The following NIBAN1 variants were observed in gnomAD, a reference collection of about 807,000 sequenced individuals.
NIBAN1 encodes niban apoptosis regulator 1, also known as protein Niban 1.
Under a neutral mutation model 75.1 loss-of-function variants are expected in NIBAN1, and 81 were observed. The observed-to-expected ratio is 1.08, with a 90% CI of 0.90 to 1.30. The LOEUF is 1.30. Ranked by LOEUF, NIBAN1 falls within the 50% of genes most tolerant of loss-of-function variation. The pLI is 0.00. For synonymous variants in NIBAN1, 436 were observed against 424.8 expected, an observed-to-expected ratio of 1.03 and a Z score of -0.32; for missense variants, 1,133 against 1,128.1, an observed-to-expected ratio of 1.00 and a Z score of -0.06.
intron 5 of NIBAN1, among the ~76,000 whole-genome samples, chr1:184,837,558 G>A (rs774383679): frequency 7.9e-5 from 12 of 152,104 alleles, no homozygotes; most frequent in Non-Finnish European, 1.3e-4. Context: ...GACTATGAGA[G>A]TTGGAAGTGA....
intron 1 of NIBAN1, among the ~76,000 whole-genome samples, chr1:184,942,327 C>T (rs1658110436): frequency 6.6e-6 from 1 of 152,218 alleles, no homozygotes; most frequent in Admixed American, 6.5e-5. Context: ...AAAAGAGATG[C>T]AATCTGTGGG....
At chr1:184,957,415 G>A (rs537225706) in intron 1 of NIBAN1, among the ~76,000 whole-genome samples, 3 of 152,322 alleles carry the variant, frequency 2.0e-5, no homozygotes, top group African/African-American at 7.2e-5. Flanking sequence ...AACCTAATTA[G>A]TACTAATTAC....
chr1:184,824,978 C>G (rs936780681), intron 6 of NIBAN1, among the ~76,000 whole-genome samples: 3 of 152,198 alleles, frequency 2.0e-5, no homozygotes, highest in African/African-American at 7.2e-5. Context: ...CTTCTTCTCC[C>G]TCTCTGCCTT....
intron 1 of NIBAN1, among the ~76,000 whole-genome samples, chr1:184,930,328 T>C (rs1030139367): frequency 6.6e-5 from 10 of 152,170 alleles, no homozygotes; most frequent in Non-Finnish European, 1.0e-4. Context: ...ATCTGCTCAA[T>C]TCAGATTGAA....
intron 7 of NIBAN1, 36 bp from the exon 8 acceptor site, chr1:184,823,365 T>C: frequency 4.3e-6 from 7 of 1,611,106 alleles, no homozygotes; most frequent in Non-Finnish European, 5.9e-6. Context: ...CAGGGCTCTG[T>C]CACGTGTAAG....
At chr1:184,917,564 C>T (rs1345732235) in intron 1 of NIBAN1, among the ~76,000 whole-genome samples, 1 of 151,776 alleles carries the variant, frequency 6.6e-6, no homozygotes. Flanking sequence ...CCTTAAACTC[C>T]CTTCTCCACC....
At chr1:184,860,514 T>C (rs1655789756) in intron 5 of NIBAN1, among the ~76,000 whole-genome samples, 1 of 152,216 alleles carries the variant, frequency 6.6e-6, no homozygotes, top group African/African-American at 2.4e-5. Context: ...CAAAAATTGA[T>C]GTGTTATTTT....
chr1:184,799,478 T>C lies in NIBAN1; in HGVS notation c.1555-1288A>G, dbSNP rs1265202893. Among the ~76,000 whole-genome samples the C allele has an allele frequency of 2.0e-5, 3 of 150,196 alleles. No homozygotes were observed. In the South Asian group the frequency reaches 6.5e-4, roughly 33 times the overall value. On this transcript the variant is annotated intron_variant, in intron 12 of 13. Transcript: ENST00000367511. The stretch of plus-strand genomic sequence containing the variant: ...TTGGGTTGGTTCCAAGACTTTGCTA[T>C]TGTGAATAGTGCCACAATAAACATA...
chr1:184,937,290 T>C (rs1199678778), intron 1 of NIBAN1, among the ~76,000 whole-genome samples: 1 of 151,670 alleles, frequency 6.6e-6, no homozygotes, highest in Non-Finnish European at 1.5e-5. Context: ...AGCCTCTAAC[T>C]AGCTGGGACT....
At chr1:184,798,707 A>T (rs1653946300) in intron 12 of NIBAN1, among the ~76,000 whole-genome samples, 1 of 152,202 alleles carries the variant, frequency 6.6e-6, no homozygotes, top group Non-Finnish European at 1.5e-5. Flanking sequence ...ATACTTATGT[A>T]ACCATAACCC....
intron 12 of NIBAN1, among the ~76,000 whole-genome samples, chr1:184,799,966 C>T (rs1432050096): frequency 1.0e-5 from 1 of 99,156 alleles, no homozygotes; most frequent in Non-Finnish European, 1.9e-5. Context: ...AGGATGGTCT[C>T]GATCTCCTGA....
At chr1:184,853,485 T>C (rs1393924585) in intron 5 of NIBAN1, among the ~76,000 whole-genome samples, 1 of 152,238 alleles carries the variant, frequency 6.6e-6, no homozygotes, top group African/African-American at 2.4e-5. Flanking sequence ...TACATTTGAA[T>C]TCAAATGAGT....
intron 6 of NIBAN1, among the ~76,000 whole-genome samples, chr1:184,830,586 T>C (rs1654970958): frequency 1.3e-5 from 2 of 152,224 alleles, no homozygotes; most frequent in South Asian, 4.1e-4. Flanking sequence ...CTCATGAGTT[T>C]TCAGCATTAG....
At chr1:184,871,368 A>AAAT (rs71101951) in intron 5 of NIBAN1, among the ~76,000 whole-genome samples, 1 of 121,808 alleles carries the variant, frequency 8.2e-6, no homozygotes, top group Non-Finnish European at 1.7e-5. Flanking sequence ...AAAAAAAAAA[A>AAAT]AAAAAGAGGA....
chr1:184,954,271 A>G (rs1398982701), intron 1 of NIBAN1, among the ~76,000 whole-genome samples: 3 of 152,210 alleles, frequency 2.0e-5, no homozygotes, highest in Non-Finnish European at 4.4e-5. Flanking sequence ...ACAGAAAATG[A>G]GACAAAAGAG....
intron 1 of NIBAN1, among the ~76,000 whole-genome samples, chr1:184,953,326 T>G (rs997469786): frequency 6.6e-6 from 1 of 152,192 alleles, no homozygotes; most frequent in Non-Finnish European, 1.5e-5. Context: ...CCCTACTGAA[T>G]CAAGAAAGCT....
At chr1:184,958,133 A>G (rs946587502) in intron 1 of NIBAN1, among the ~76,000 whole-genome samples, 9 of 152,162 alleles carry the variant, frequency 5.9e-5, no homozygotes, top group Admixed American at 2.6e-4. Flanking sequence ...TTGGGAGGCC[A>G]AGGCAGGTGG....
At chr1:184,833,054 A>C (rs1017903047) in intron 5 of NIBAN1, among the ~76,000 whole-genome samples, 2 of 152,054 alleles carry the variant, frequency 1.3e-5, no homozygotes, top group African/African-American at 2.4e-5. Context: ...CCTATAAGGC[A>C]CAAAGCTCTC....
At chr1:184,833,697 G>A (rs1655057765) in intron 5 of NIBAN1, among the ~76,000 whole-genome samples, 1 of 151,824 alleles carries the variant, frequency 6.6e-6, no homozygotes, top group South Asian at 2.1e-4. Flanking sequence ...GTGAGACCCT[G>A]TCTCAAAAAA....
Sources: allele counts gnomAD v4.1 joint callset (sites outside exome capture counted in the v4.1 genomes callset), GRCh38; gene constraint gnomAD v4.1.1; transcripts MANE v1.5; gene names NCBI Gene and HGNC (gene_info 2026-07-23, HGNC 2026-07-21).